CAMSAP1: variants seen among roughly 807,000 people sequenced by gnomAD.
The protein encoded by CAMSAP1 is calmodulin-regulated spectrin-associated protein 1.
In CAMSAP1, 58 loss-of-function variants were observed where a neutral mutation model predicts 143.5. The observed-to-expected ratio is 0.40, with a 90% CI of 0.33 to 0.50. The LOEUF (loss-of-function observed/expected upper bound fraction) is 0.50, where lower values mean the gene tolerates loss of function less well. Among genes scored for constraint, CAMSAP1 ranks in the 20% least tolerant of loss-of-function variants. The pLI is 0.45. For synonymous variants in CAMSAP1, 945 were observed against 859.3 expected, an observed-to-expected ratio of 1.10 and a Z score of -1.74; for missense variants, 1,969 against 2,115.7, an observed-to-expected ratio of 0.93 and a Z score of 1.36.
At chr9:135,900,484 G>A (rs1338094304) in intron 1 of CAMSAP1, among the ~76,000 whole-genome samples, 1 of 151,912 alleles carries the variant, frequency 6.6e-6, no homozygotes, top group Non-Finnish European at 1.5e-5. Flanking sequence ...ACGAGGTCAG[G>A]AGATCGAGAC....
chr9:135,906,911 G>GCGGACCCCGACCCGGC (rs562659405), intron 1 of CAMSAP1, 89 bp downstream of exon 1: 1 of 778,142 alleles, frequency 1.3e-6, no homozygotes, highest in East Asian at 1.3e-4. Flanking sequence ...GGCGCGGCGC[G>GCGGACCCCGACCCGGC]CGGACCCCGA....
chr9:135,861,624 T>C (rs1350916463), intron 5 of CAMSAP1, among the ~76,000 whole-genome samples: 2 of 152,218 alleles, frequency 1.3e-5, no homozygotes, highest in African/African-American at 4.8e-5. Context: ...AGTGCAGCTA[T>C]ATATTTGTGA....
At chr9:135,814,783 C>T (rs563304678) in intron 16 of CAMSAP1, among the ~76,000 whole-genome samples, 4 of 152,210 alleles carry the variant, frequency 2.6e-5, no homozygotes, top group Non-Finnish European at 5.9e-5. Flanking sequence ...TGGCTCTCCT[C>T]TGCCCACACC....
At chr9:135,893,743 A>G in intron 1 of CAMSAP1, among the ~76,000 whole-genome samples, 1 of 152,244 alleles carries the variant, frequency 6.6e-6, no homozygotes, top group East Asian at 1.9e-4. Context: ...AGACATCTAC[A>G]GACCAAAGAA....
At chr9:135,844,374 G>A (rs1836474920) in intron 7 of CAMSAP1, among the ~76,000 whole-genome samples, 1 of 152,148 alleles carries the variant, frequency 6.6e-6, no homozygotes, top group African/African-American at 2.4e-5. Context: ...CGAAATTAAG[G>A]CAGAAATAAA....
chr9:135,827,505 G>T lies in CAMSAP1; in HGVS notation c.1125C>A (p.Ser375Arg), dbSNP rs777019938. The change falls in exon 8 of 17, where the codon AGC (serine) becomes AGA (arginine). Residue 375 changes from serine to arginine, a missense_variant. Coordinates refer to ENST00000389532, the MANE Select transcript of CAMSAP1 (RefSeq NM_015447.4). ...SNATKRSFLG[S>R]PAAGTLAELQ... ...GCTCAGCCAGGGTCCCTGCAGCAGG[G>T]CTGCCTAGGAAACTGCGTTTGGTCG... 3 of 1,612,690 alleles carry T rather than the reference G, an allele frequency of 1.9e-6. No homozygotes were observed. The African/African-American group carries it at 4.0e-5, about 22-fold the overall frequency.
chr9:135,841,987 C>T (rs1836369070), intron 7 of CAMSAP1, among the ~76,000 whole-genome samples: 3 of 152,072 alleles, frequency 2.0e-5, no homozygotes, highest in Admixed American at 2.0e-4. Flanking sequence ...CAAAGCTGGA[C>T]GAAGAATGTG....
In CAMSAP1 at chr9:135,820,839, C is replaced by T. The variant is rs1180728630; in HGVS notation, c.3822G>A (p.Lys1274=). ...GAAACAGATGCTACCAATCCCTTAC[C>T]TTGAAGAAGAAGCCGACCCCCGGCT... The part of the protein sequence containing the change: ...DQKPGVGFFF[K]DEQKAEDELA... The change falls in exon 11 of 17, where the codon AAG becomes AAA. Residue 1274 remains lysine, a splice_region_variant and synonymous_variant. Coordinates refer to ENST00000389532, the MANE Select transcript of CAMSAP1 (RefSeq NM_015447.4). The surrounding 1 kb of genome is among the most constrained non-coding windows in gnomAD (Gnocchi z 4.4). 2 of 1,612,390 alleles carry T rather than the reference C, an allele frequency of 1.2e-6. No individual in the cohort carries two copies. Among genetic ancestry groups the T allele is most frequent in the Non-Finnish European group, 1.7e-6 (2 of 1,179,740 alleles).
chr9:135,880,841 G>A (rs1226181340), intron 3 of CAMSAP1, among the ~76,000 whole-genome samples: 1 of 152,082 alleles, frequency 6.6e-6, no homozygotes, highest in Non-Finnish European at 1.5e-5. Flanking sequence ...GCTCCGGTAA[G>A]GTAACCTTAT....
At chr9:135,845,852 C>G (rs1046880718) in intron 7 of CAMSAP1, among the ~76,000 whole-genome samples, 3 of 151,826 alleles carry the variant, frequency 2.0e-5, no homozygotes, top group Admixed American at 6.6e-5. Flanking sequence ...AACCACTGCT[C>G]AAAGAAATAA....
At chr9:135,863,482 G>A (rs567724606) in intron 4 of CAMSAP1, among the ~76,000 whole-genome samples, 24 of 152,234 alleles carry the variant, frequency 1.6e-4, no homozygotes, top group African/African-American at 5.1e-4. Flanking sequence ...GAAAATACAC[G>A]ATACAAACTA....
intron 3 of CAMSAP1, among the ~76,000 whole-genome samples, chr9:135,878,591 A>G (rs1837829080): frequency 1.3e-5 from 2 of 152,226 alleles, no homozygotes; most frequent in Non-Finnish European, 2.9e-5. Flanking sequence ...GCAATTTCCA[A>G]TGGGGAGAAA....
Position 135,824,694 on chromosome 9 carries a change from T to C in CAMSAP1, c.1315+95A>G. 2.1e-6 allele frequency: 2 copies of C among 947,114 alleles called. No homozygotes were observed. Among genetic ancestry groups the C allele is most frequent in the Non-Finnish European group, 3.1e-6 (2 of 646,688 alleles). 58.7% of individuals were successfully genotyped at this position (947,114 alleles called of 1,614,324 possible). ...ACAAACAAACAAACAAAAAAATCAC[T>C]ACATCAGATAAAATGATTTAATTTT... On this transcript the variant is annotated intron_variant, in intron 9 of 16. Coordinates refer to ENST00000389532, the MANE Select transcript of CAMSAP1 (RefSeq NM_015447.4). The surrounding 1 kb of genome is among the most constrained non-coding windows in gnomAD (Gnocchi z 4.1).
intron 14 of CAMSAP1, among the ~76,000 whole-genome samples, chr9:135,816,602 G>C (rs1452532223): frequency 6.6e-6 from 1 of 152,288 alleles, no homozygotes; most frequent in East Asian, 1.9e-4. Flanking sequence ...ATCCAGCCAG[G>C]GTAACTGACC....
intron 16 of CAMSAP1, among the ~76,000 whole-genome samples, chr9:135,813,524 C>T (rs1439790389): frequency 6.6e-6 from 1 of 152,214 alleles, no homozygotes; most frequent in Non-Finnish European, 1.5e-5. Context: ...TTTGTAGCGA[C>T]AGCGGGACTG....
intron 4 of CAMSAP1, chr9:135,866,251 C>CT: frequency 1.9e-6 from 1 of 535,300 alleles, no homozygotes. Flanking sequence ...CAAAACACCC[C>CT]TTCCCAGGAG....
chr9:135,904,100 C>T (rs990297439), intron 1 of CAMSAP1, among the ~76,000 whole-genome samples: 11 of 152,200 alleles, frequency 7.2e-5, no homozygotes, highest in Non-Finnish European at 1.2e-4. Flanking sequence ...AAGTGCGGTG[C>T]CTCATGCCTG....
intron 7 of CAMSAP1, among the ~76,000 whole-genome samples, chr9:135,832,741 C>CAATT (rs150628612): frequency 0.036 from 5,514 of 152,116 alleles, 303 homozygotes; most frequent in African/African-American, 0.12. Flanking sequence ...TATACACTAA[C>CAATT]AATTAATTAT....
intron 3 of CAMSAP1, among the ~76,000 whole-genome samples, chr9:135,878,314 C>T (rs190598555): frequency 1.1e-3 from 161 of 152,254 alleles, no homozygotes; most frequent in African/African-American, 3.5e-3. Flanking sequence ...AGGGATGCCA[C>T]AGAGGAGGAG....
Sources: gnomAD v4.1 joint callset for allele counts (sites outside exome capture counted in the v4.1 genomes callset) on GRCh38, gnomAD v4.1.1 for gene constraint, Gnocchi (gnomAD v3.1) non-coding constraint, MANE v1.5 for transcripts, NCBI Gene and HGNC (gene_info 2026-07-23, HGNC 2026-07-21) for gene names.